The following ARID4A variants were observed in gnomAD, a reference collection of about 807,000 sequenced individuals.
ARID4A encodes AT-rich interactive domain-containing protein 4A.
ARID4A carries 39 observed loss-of-function variants against 148.6 expected under a neutral mutation model. The observed-to-expected ratio is 0.26, with a 90% CI of 0.20 to 0.34. ARID4A has a LOEUF of 0.34. Ranked by LOEUF, ARID4A falls within the 10% of genes least tolerant of loss-of-function variation. ARID4A has a pLI of 1.00. For synonymous variants in ARID4A, 475 were observed against 481.2 expected (o/e 0.99, Z 0.17); for missense variants, 1,265 against 1,449.1 (o/e 0.87, Z 2.06).
rs1364758978 is a variant in ARID4A at position 58,331,997 on chromosome 14, C to CG, written c.906+1828_906+1829insG. On this transcript the variant is annotated intron_variant, in intron 11 of 23. Coordinates refer to ENST00000355431, the MANE Select transcript of ARID4A (RefSeq NM_002892.4). ...CCGTTCCAGAATGCATTTTCCCTAC[C>CG]CCCCCCCCCCCAAAAAACCCTGAAA... is the stretch of plus-strand genomic sequence containing the variant. Among the ~76,000 whole-genome samples, 211 of 23,224 alleles carry CG rather than the reference C, an allele frequency of 9.1e-3. 12 individuals carry two copies. Among genetic ancestry groups the CG allele is most frequent in the East Asian group, 6.5e-3 (8 of 1,240 alleles). 15.2% of individuals were successfully genotyped at this position (23,224 alleles called of 152,430 possible).
intron 19 of ARID4A, 92 bp downstream of exon 19, chr14:58,361,134 A>G: frequency 1.4e-6 from 2 of 1,474,256 alleles, no homozygotes; most frequent in Non-Finnish European, 1.8e-6. Flanking sequence ...TGACTTTAAA[A>G]AAAATCAATA....
intron 17 of ARID4A, among the ~76,000 whole-genome samples, chr14:58,357,048 C>CTCA (rs1437379047): frequency 6.6e-6 from 1 of 152,146 alleles, no homozygotes; most frequent in Non-Finnish European, 1.5e-5. Context: ...ATGATACTCT[C>CTCA]TCATCAGACT....
intron 8 of ARID4A, among the ~76,000 whole-genome samples, chr14:58,325,087 G>A (rs1056096162): frequency 6.6e-6 from 1 of 152,152 alleles, no homozygotes; most frequent in Non-Finnish European, 1.5e-5. Flanking sequence ...CTTACACAGA[G>A]AAGGAATAAG....
chr14:58,325,678 C>G (rs1227599854), intron 8 of ARID4A, among the ~76,000 whole-genome samples: 1 of 152,066 alleles, frequency 6.6e-6, no homozygotes, highest in Non-Finnish European at 1.5e-5. Flanking sequence ...AGACTATAAT[C>G]CTGTAAAGAG....
At chr14:58,337,194 A>C (rs1367522402) in intron 11 of ARID4A, among the ~76,000 whole-genome samples, 1 of 142,698 alleles carries the variant, frequency 7.0e-6, no homozygotes, top group South Asian at 2.2e-4. Flanking sequence ...GCCCAGCCCC[A>C]AAGTGAACTT....
intron 7 of ARID4A, among the ~76,000 whole-genome samples, chr14:58,319,402 TATG>T (rs2032697171): frequency 6.6e-6 from 1 of 151,988 alleles, no homozygotes; most frequent in Non-Finnish European, 1.5e-5. Flanking sequence ...TTTTAATTGA[TATG>T]ATGATTTTTC....
chr14:58,353,576 A>G, intron 16 of ARID4A, 82 bp from the exon 17 acceptor site: 1 of 1,232,296 alleles, frequency 8.1e-7, no homozygotes. Flanking sequence ...GGTTGTGAAT[A>G]ATCTACCTGT....
chr14:58,345,282 A>G (rs2034305852), intron 12 of ARID4A, among the ~76,000 whole-genome samples: 1 of 152,196 alleles, frequency 6.6e-6, no homozygotes, highest in Non-Finnish European at 1.5e-5. Flanking sequence ...CAAGTGAGAA[A>G]ATATTTTGAT....
intron 18 of ARID4A, among the ~76,000 whole-genome samples, chr14:58,359,608 C>T (rs970823671): frequency 6.6e-6 from 1 of 152,156 alleles, no homozygotes; most frequent in African/African-American, 2.4e-5. Context: ...TTCTTACCCC[C>T]ACCCCAGCCC....
intron 5 of ARID4A, among the ~76,000 whole-genome samples, chr14:58,312,754 A>G (rs2032136942): frequency 1.3e-5 from 2 of 152,078 alleles, no homozygotes; most frequent in African/African-American, 4.8e-5. Context: ...ATATCCCCTT[A>G]ACTAAATTGT....
At chr14:58,354,251 A>G (rs541803293) in intron 17 of ARID4A, among the ~76,000 whole-genome samples, 3 of 152,348 alleles carry the variant, frequency 2.0e-5, no homozygotes, top group Admixed American at 2.0e-4. Flanking sequence ...CAGGCCTGCA[A>G]CTTCCAACCG....
rs1245192473 is a variant in ARID4A at position 58,365,288 on chromosome 14, A to G, written c.3199A>G (p.Ser1067Gly). 1 of 1,610,412 alleles carries G rather than the reference A, an allele frequency of 6.2e-7. No homozygotes were observed. The highest frequency in any genetic ancestry group is 1.1e-5 in the South Asian group (1 of 90,498). ...TAGTATAATTGTACAAGAGAGAGAG[A>G]GCAGAGAGAAGGGTAAGGACTTTCT... ...TCSIIVQERE[S>G]REKGQKRPSD... The change falls in exon 20 of 24, where the codon AGC becomes GGC. Residue 1067 changes from serine (S) to glycine (G), a missense_variant. Transcript: ENST00000355431.
intron 14 of ARID4A, 60 bp from the exon 15 acceptor site, chr14:58,347,587 A>G (rs1156420260): frequency 2.3e-6 from 3 of 1,291,154 alleles, no homozygotes; most frequent in Non-Finnish European, 3.2e-6. Context: ...GTTTAATAAC[A>G]TGAATTCAAG....
intron 10 of ARID4A, among the ~76,000 whole-genome samples, 176 bp from the exon 11 acceptor site, chr14:58,329,823 AAAGT>A (rs1370900674): frequency 1.5e-4 from 23 of 152,218 alleles, no homozygotes; most frequent in Admixed American, 1.5e-3. Context: ...AGTATTCCGT[AAAGT>A]AATAACAAAT....
At chr14:58,330,295 T>A in intron 11 of ARID4A, 126 bp downstream of exon 11, 1 of 1,349,054 alleles carries the variant, frequency 7.4e-7, no homozygotes, top group Non-Finnish European at 9.9e-7. Flanking sequence ...TAGCATTGCT[T>A]AATTTGGGTG....
chr14:58,324,298 C>T (rs2033096601), intron 8 of ARID4A, among the ~76,000 whole-genome samples: 1 of 151,964 alleles, frequency 6.6e-6, no homozygotes, highest in Non-Finnish European at 1.5e-5. Flanking sequence ...GCTGTTGTGA[C>T]AGGGTCTCAC....
intron 11 of ARID4A, among the ~76,000 whole-genome samples, chr14:58,338,118 A>G (rs2033922544): frequency 6.6e-6 from 1 of 152,222 alleles, no homozygotes; most frequent in South Asian, 2.1e-4. Flanking sequence ...ATAATAGGAA[A>G]GATAAAACGC....
intron 2 of ARID4A, among the ~76,000 whole-genome samples, chr14:58,300,364 A>AGCATAT (rs1235064009): frequency 3.2e-5 from 2 of 63,058 alleles, no homozygotes; most frequent in East Asian, 2.6e-4. Context: ...AGTATTTTAA[A>AGCATAT]ACATATACTA....
rs371472121 is a variant in ARID4A, at chr14:58,346,712, A to G, written c.1074+207A>G. 7.1e-4 allele frequency among the ~76,000 whole-genome samples: 107 copies of G among 151,688 alleles called. 1 individual carries two copies. Among genetic ancestry groups the G allele is most frequent in the African/African-American group, 2.5e-3 (102 of 41,386 alleles). ...GGAGATTGAGGCGGGTGGATTGCTT[A>G]AGCTCAGGAATTCAAGACTAGCCTG... On this transcript the variant is annotated intron_variant, in intron 13 of 23. Coordinates refer to ENST00000355431, the MANE Select transcript of ARID4A (RefSeq NM_002892.4).
Sources: gnomAD v4.1 joint callset for allele counts (sites outside exome capture counted in the v4.1 genomes callset) on GRCh38, gnomAD v4.1.1 for gene constraint, MANE v1.5 for transcripts, NCBI Gene and HGNC (gene_info 2026-07-23, HGNC 2026-07-21) for gene names.